SMYD3: variants seen among roughly 807,000 people sequenced by gnomAD.
SMYD3 encodes histone-lysine N-methyltransferase SMYD3.
Under a neutral mutation model 57.7 loss-of-function variants are expected in SMYD3, and 36 were observed. The ratio of observed to expected loss-of-function variants is 0.62; its 90% CI spans 0.48 to 0.82. SMYD3 has a LOEUF of 0.82. Among genes scored for constraint, SMYD3 ranks in the 40% least tolerant of loss-of-function variants. The probability of loss-of-function intolerance (pLI) is 0.00; values close to 1 mark genes in which losing one functional copy is unlikely to be tolerated. For missense variants in SMYD3, 515 were observed against 538.8 expected (o/e 0.96, Z 0.44); for synonymous variants, 211 against 195.0 (o/e 1.08, Z -0.68).
intron 1 of SMYD3, among the ~76,000 whole-genome samples, chr1:246,425,546 A>G (rs1377600438): frequency 2.0e-5 from 3 of 152,152 alleles, no homozygotes; most frequent in Non-Finnish European, 4.4e-5. Flanking sequence ...CAGGCCAGAA[A>G]CCAGAGCTGG....
At chr1:246,480,108 G>A (rs2068082641) in intron 1 of SMYD3, among the ~76,000 whole-genome samples, 1 of 152,080 alleles carries the variant, frequency 6.6e-6, no homozygotes, top group South Asian at 2.1e-4. Context: ...GCTTCATAGA[G>A]CTATAATTTG....
intron 10 of SMYD3, among the ~76,000 whole-genome samples, chr1:245,806,822 A>C (rs1340575258): frequency 6.9e-6 from 1 of 144,852 alleles, no homozygotes; most frequent in Non-Finnish European, 1.5e-5. Flanking sequence ...AGGCAGGAGA[A>C]TGGCGTGAAC....
chr1:246,382,581 G>A (rs1269339641), intron 1 of SMYD3, among the ~76,000 whole-genome samples: 1 of 150,298 alleles, frequency 6.7e-6, no homozygotes, highest in Non-Finnish European at 1.5e-5. Flanking sequence ...TGTGACCCCA[G>A]ACTCTAATAG....
chr1:246,090,900 C>T (rs1000248978), intron 5 of SMYD3, among the ~76,000 whole-genome samples: 7 of 152,088 alleles, frequency 4.6e-5, no homozygotes, highest in African/African-American at 9.7e-5. Context: ...CGCGAAATGA[C>T]GAAGCCCAGG....
intron 8 of SMYD3, among the ~76,000 whole-genome samples, chr1:245,913,376 G>C (rs12566581): frequency 3.4e-5 from 5 of 146,550 alleles, no homozygotes; most frequent in African/African-American, 5.0e-5. Flanking sequence ...GTGGGGGGAG[G>C]GGGGAGGGAT....
chr1:245,896,389 C>CAAAAAAAAAAAAAAAAAAAA (rs3052904), intron 8 of SMYD3, among the ~76,000 whole-genome samples: 4 of 73,722 alleles, frequency 5.4e-5, no homozygotes, highest in African/African-American at 1.4e-4. Context: ...TTTGCCAAGT[C>CAAAAAAAAAAAAAAAAAAAA]AAAAAAAAAA....
At chr1:246,445,408 T>C (rs2067537826) in intron 1 of SMYD3, among the ~76,000 whole-genome samples, 1 of 152,212 alleles carries the variant, frequency 6.6e-6, no homozygotes, top group South Asian at 2.1e-4. Flanking sequence ...CCTATGTCCC[T>C]AAAATTGCCT....
At chr1:246,412,813 G>A (rs1460126786) in intron 1 of SMYD3, among the ~76,000 whole-genome samples, 1 of 142,158 alleles carries the variant, frequency 7.0e-6, no homozygotes, top group Non-Finnish European at 1.5e-5. Flanking sequence ...AGCCGAGATC[G>A]CACCATTGCA....
intron 5 of SMYD3, among the ~76,000 whole-genome samples, chr1:246,176,618 G>A (rs1402659666): frequency 2.0e-5 from 3 of 152,142 alleles, no homozygotes; most frequent in South Asian, 4.1e-4. Context: ...GACCTCCCGG[G>A]CTCAGGCAAC....
intron 5 of SMYD3, among the ~76,000 whole-genome samples, chr1:245,951,673 G>T (rs2057657773): frequency 6.6e-6 from 1 of 150,564 alleles, no homozygotes; most frequent in Non-Finnish European, 1.5e-5. Context: ...CTTTTCCCCT[G>T]TGTTGTCCTT....
In SMYD3 at chr1:246,431,254, T is replaced by A. The variant is rs999865220; in HGVS notation, c.164+75800A>T. On this transcript the variant is annotated intron_variant, in intron 1 of 11. Transcript: ENST00000490107. ...AAAACAATAAACGCACACATAGGAT[T>A]TTTACATTCAACAAGCATAACTAAT... 2.0e-5 allele frequency among the ~76,000 whole-genome samples: 3 copies of A among 152,304 alleles called. No homozygotes were observed. In the East Asian group the frequency reaches 5.8e-4, roughly 29 times the overall value.
intron 5 of SMYD3, among the ~76,000 whole-genome samples, chr1:245,937,298 AC>A (rs2057027972): frequency 6.6e-6 from 1 of 152,244 alleles, no homozygotes; most frequent in Non-Finnish European, 1.5e-5. Context: ...CCACAGTCAA[AC>A]TGCCAAATGT....
At chr1:245,841,317 CAG>C (rs1443188140) in intron 10 of SMYD3, among the ~76,000 whole-genome samples, 3 of 152,228 alleles carry the variant, frequency 2.0e-5, no homozygotes, top group Admixed American at 2.0e-4. Context: ...TTAATATAAA[CAG>C]AGAAGATTTT....
intron 1 of SMYD3, among the ~76,000 whole-genome samples, chr1:246,408,860 G>C (rs563745705): frequency 6.6e-6 from 1 of 151,956 alleles, no homozygotes; most frequent in Non-Finnish European, 1.5e-5. Context: ...AGTAGAGACA[G>C]GGTTTCACCA....
At position 246,282,312 on chromosome 1, in the gene SMYD3, A is replaced by C. The variant is rs2064463363; in HGVS notation, c.531+44889T>G. Among the ~76,000 whole-genome samples the C allele has an allele frequency of 4.8e-4, 18 of 37,862 alleles. 1 individual carries two copies. The South Asian group carries it at 0.026, about 55-fold the overall frequency. The allele number at this position is 37,862 out of a possible 152,430, so 24.8% of individuals were successfully genotyped here. On this transcript the variant is annotated intron_variant, in intron 5 of 11. Transcript: ENST00000490107. ...GCAAGACCCTCATCTCTACAAAAAA[A>C]AAAAAAAAAAAAAAAAAAAAAAAAA...
At chr1:246,246,209 A>C (rs1339837435) in intron 5 of SMYD3, among the ~76,000 whole-genome samples, 1 of 152,162 alleles carries the variant, frequency 6.6e-6, no homozygotes, top group Non-Finnish European at 1.5e-5. Flanking sequence ...TCTTTAGTTA[A>C]AAAAATTAAT....
At chr1:246,324,918 C>T (rs2065313806) in intron 5 of SMYD3, among the ~76,000 whole-genome samples, 1 of 148,454 alleles carries the variant, frequency 6.7e-6, no homozygotes, top group Admixed American at 6.8e-5. Context: ...GTGACTCATC[C>T]CTGAAAGCTG....
chr1:246,285,728 C>A (rs1460650632), intron 5 of SMYD3, among the ~76,000 whole-genome samples: 1 of 152,064 alleles, frequency 6.6e-6, no homozygotes, highest in East Asian at 1.9e-4. Flanking sequence ...GGGAGAAAAT[C>A]TTCACAATCT....
intron 7 of SMYD3, among the ~76,000 whole-genome samples, chr1:245,921,549 G>GTGTATATATATATATATATATA (rs2055938515): frequency 1.4e-5 from 2 of 141,410 alleles, no homozygotes; most frequent in South Asian, 5.2e-4. Context: ...AAAATGTGGT[G>GTGTATATATATATATATATATA]TATATATATA....
Sources: gnomAD v4.1 joint callset for allele counts (sites outside exome capture counted in the v4.1 genomes callset) on GRCh38, gnomAD v4.1.1 for gene constraint, MANE v1.5 for transcripts, NCBI Gene and HGNC (gene_info 2026-07-23, HGNC 2026-07-21) for gene names.